ZFP2: variants seen among roughly 807,000 people sequenced by gnomAD.
ZFP2 encodes ZFP2 zinc finger protein, also known as zinc finger protein ZFP2.
In ZFP2, 33 loss-of-function variants were observed where a neutral mutation model predicts 36.1. The ratio of observed to expected loss-of-function variants is 0.92; its 90% CI spans 0.69 to 1.22. The LOEUF is 1.22. Ranked by LOEUF, ZFP2 falls within the 50% of genes most tolerant of loss-of-function variation. The probability of loss-of-function intolerance (pLI) is 0.00; values close to 1 mark genes in which losing one functional copy is unlikely to be tolerated. For missense variants in ZFP2, 522 were observed against 551.4 expected, an observed-to-expected ratio of 0.95 and a Z score of 0.53; for synonymous variants, 170 against 178.0, an observed-to-expected ratio of 0.96 and a Z score of 0.36.
At chr5:178,920,027 T>G (rs529580954) in intron 4 of ZFP2, among the ~76,000 whole-genome samples, 5 of 152,324 alleles carry the variant, frequency 3.3e-5, no homozygotes, top group Non-Finnish European at 5.9e-5. Flanking sequence ...GTTTACCCTG[T>G]TCCTATAGGT....
At chr5:178,930,177 G>GT (rs1398857774) in intron 4 of ZFP2, among the ~76,000 whole-genome samples, 1 of 151,596 alleles carries the variant, frequency 6.6e-6, no homozygotes, top group Non-Finnish European at 1.5e-5. Context: ...CTCCAACACT[G>GT]GGGATTACAT....
chr5:178,922,001 T>C lies in ZFP2; in HGVS notation c.-78+5291T>C, dbSNP rs973087380. 19 of 641,406 alleles carry C rather than the reference T, an allele frequency of 3.0e-5. 1 individual carries two copies. The highest frequency in any genetic ancestry group is 1.2e-4 in the Admixed American group (5 of 42,526). 39.7% of individuals were successfully genotyped at this position (641,406 alleles called of 1,614,324 possible). A position where few individuals can be genotyped will look rare whatever the true frequency, so the allele number is the denominator to read the frequency against. On this transcript the variant is annotated intron_variant, in intron 4 of 4. Transcript: ENST00000361362. ...CAGATTATGGGCCATTCTTATTTAC[T>C]GTAAAAACATTTAAAGCTCCTTCCG... is the stretch of plus-strand genomic sequence containing the variant.
Position 178,913,068 on chromosome 5 carries a change from C to T in ZFP2, c.-227C>T, listed in dbSNP as rs1024262388. The T allele has an allele frequency of 8.1e-6, 8 of 985,686 alleles. No individual in the cohort carries two copies. The highest frequency in any genetic ancestry group is 7.0e-5 in the African/African-American group (4 of 57,224). The allele number at this position is 985,686 out of a possible 1,614,324, so 61.1% of individuals were successfully genotyped here. Reference sequence around the variant, plus strand: ...AAAAGAACCGCCTGAGGGTGGCTTTCGAGGTAAGTGCCAGGCTGTGCAGAC... The same window carrying T: ...AAAAGAACCGCCTGAGGGTGGCTTTTGAGGTAAGTGCCAGGCTGTGCAGAC... On this transcript the variant is annotated 5_prime_UTR_variant, in exon 3 of 5. An upstream open reading frame in the 5' UTR gains an earlier in-frame stop. Coordinates refer to ENST00000361362, the MANE Select transcript of ZFP2 (RefSeq NM_030613.4).
In ZFP2 at chr5:178,932,452, A is replaced by G. The variant is rs776545962; in HGVS notation, c.1139A>G (p.Lys380Arg). 5 of 1,614,148 alleles carry G rather than the reference A, an allele frequency of 3.1e-6. No homozygotes were observed. In the South Asian group the frequency reaches 5.5e-5, roughly 18 times the overall value. Residue 380 changes from lysine to arginine, a missense_variant, in exon 5 of 5, where the codon AAA (lysine) becomes AGA (arginine). Coordinates refer to ENST00000361362, the MANE Select transcript of ZFP2 (RefSeq NM_030613.4). ...TVHQVIHTGEKPYECNECGKA... is the reference protein window; with the variant it reads ...TVHQVIHTGERPYECNECGKA... ...CATCAGGTCATTCACACTGGAGAGAAACCTTATGAGTGCAATGAATGTGGA... is the reference window on the plus strand; with the variant it reads ...CATCAGGTCATTCACACTGGAGAGAGACCTTATGAGTGCAATGAATGTGGA...
intron 1 of ZFP2, among the ~76,000 whole-genome samples, chr5:178,904,695 G>GT (rs1397891952): frequency 8.1e-6 from 1 of 122,808 alleles, no homozygotes; most frequent in African/African-American, 3.0e-5. Flanking sequence ...AATTCATTTT[G>GT]CTTTTTTTTT....
In ZFP2 at chr5:178,929,952, G is replaced by A. The variant is rs112718441; in HGVS notation, c.-77-1285G>A. Among the ~76,000 whole-genome samples, 58 of 148,606 alleles carry A rather than the reference G, an allele frequency of 3.9e-4. 2 individuals carry two copies. Among genetic ancestry groups the A allele is most frequent in the African/African-American group, 1.1e-3 (47 of 40,902 alleles). ...GCATCTGCTTGACGGTGGGGGGGGG[G>A]GCTCAGGAGGCTTACAGTCATGGCA... On this transcript the variant is annotated intron_variant, in intron 4 of 4. Transcript: ENST00000361362.
intron 4 of ZFP2, among the ~76,000 whole-genome samples, chr5:178,927,663 A>ATTTGTGTG (rs1554107344): frequency 8.6e-5 from 8 of 92,584 alleles, no homozygotes; most frequent in South Asian, 4.6e-4. Flanking sequence ...TACCTGGCCA[A>ATTTGTGTG]TGTGTGTGTG....
At chr5:178,927,448 GC>G (rs1278122719) in intron 4 of ZFP2, among the ~76,000 whole-genome samples, 1 of 151,638 alleles carries the variant, frequency 6.6e-6, no homozygotes, top group African/African-American at 2.4e-5. Flanking sequence ...TTCTCACATT[GC>G]TATAAAGAAA....
At chr5:178,923,702 C>G (rs1431414906) in intron 4 of ZFP2, among the ~76,000 whole-genome samples, 3 of 148,332 alleles carry the variant, frequency 2.0e-5, no homozygotes, top group Admixed American at 6.8e-5. Flanking sequence ...ATCCTGTGTT[C>G]CTGAGAAAAT....
intron 1 of ZFP2, among the ~76,000 whole-genome samples, chr5:178,912,089 TG>T (rs1758309126): frequency 6.6e-6 from 1 of 152,150 alleles, no homozygotes; most frequent in Non-Finnish European, 1.5e-5. Context: ...GCCGAGAACG[TG>T]CCACTGCACT....
intron 1 of ZFP2, among the ~76,000 whole-genome samples, chr5:178,900,360 C>A (rs1281562692): frequency 7.2e-6 from 1 of 139,638 alleles, no homozygotes; most frequent in African/African-American, 2.7e-5. Flanking sequence ...ACAGTGTCCT[C>A]GTGCTACTTC....
intron 4 of ZFP2, chr5:178,922,649 C>CGTG: frequency 6.3e-7 from 1 of 1,586,808 alleles, no homozygotes; most frequent in South Asian, 1.1e-5. Flanking sequence ...CCTTTGTCCA[C>CGTG]GTGGCTGGCC....
In ZFP2 at chr5:178,931,874, G is replaced by C; in HGVS notation, c.561G>C (p.Gln187His). 3 of 1,612,760 alleles carry C rather than the reference G, an allele frequency of 1.9e-6. No individual in the cohort carries two copies. The highest frequency in any genetic ancestry group is 2.5e-6 in the Non-Finnish European group (3 of 1,178,992). The stretch of plus-strand genomic sequence containing the variant: ...CTCACACCGGAGAGAAACCCTATCA[G>C]TGTAAAGAGTGTGGCAAAGCCTTCC... ...QRTHTGEKPY[Q>H]CKECGKAFHK... The change falls in exon 5 of 5, where the codon CAG becomes CAC. Residue 187 changes from glutamine (Q) to histidine (H), a missense_variant. Coordinates refer to ENST00000361362, the MANE Select transcript of ZFP2 (RefSeq NM_030613.4).
chr5:178,929,708 C>G (rs1338874270), intron 4 of ZFP2, among the ~76,000 whole-genome samples: 1 of 152,174 alleles, frequency 6.6e-6, no homozygotes, highest in African/African-American at 2.4e-5. Context: ...CTATCTTCTT[C>G]TGGGTCTTCC....
At chr5:178,916,966 AG>A (rs1758444249) in intron 4 of ZFP2, among the ~76,000 whole-genome samples, 1 of 152,204 alleles carries the variant, frequency 6.6e-6, no homozygotes, top group South Asian at 2.1e-4. Flanking sequence ...TACAGTTGAA[AG>A]CATTGTTAGA....
At position 178,932,036 on chromosome 5, in the gene ZFP2, C is replaced by T; in HGVS notation, c.723C>T (p.Pro241=). 1.2e-6 allele frequency: 2 copies of T among 1,614,034 alleles called. No individual in the cohort carries two copies. The highest frequency in any genetic ancestry group is 8.5e-7 in the Non-Finnish European group (1 of 1,180,008). Residue 241 remains proline, a synonymous_variant, in exon 5 of 5, where the codon CCC becomes CCT. Coordinates refer to ENST00000361362, the MANE Select transcript of ZFP2 (RefSeq NM_030613.4). Reference sequence around the variant, plus strand: ...AGAGAACTCATACAGGAGAAAAACCCTATGAATGTAATGAATGTGGAAAAG... The same window carrying T: ...AGAGAACTCATACAGGAGAAAAACCTTATGAATGTAATGAATGTGGAAAAG... ...VHQRTHTGEK[P]YECNECGKAF...
chr5:178,897,650 A>G (rs1335791456), intron 1 of ZFP2, among the ~76,000 whole-genome samples: 2 of 152,220 alleles, frequency 1.3e-5, no homozygotes, highest in Non-Finnish European at 2.9e-5. Context: ...TGAAATATAT[A>G]TATACACACA....
chr5:178,926,531 T>TA (rs943399039), intron 4 of ZFP2, among the ~76,000 whole-genome samples: 2 of 151,788 alleles, frequency 1.3e-5, no homozygotes, highest in Admixed American at 6.6e-5. Context: ...TTCTTTTTTT[T>TA]TTTGAGATGG....
Position 178,932,508 on chromosome 5 carries a change from G to T in ZFP2, c.1195G>T (p.Glu399Ter). 6.2e-7 allele frequency: 1 copy of T among 1,614,006 alleles called. No homozygotes were observed. The highest frequency in any genetic ancestry group is 1.1e-5 in the South Asian group (1 of 91,046). ...ATTCAGCCAGAGTGCTTACCTTATT[G>T]AACATCAAAGAATTCATACTGGTGA... is the stretch of plus-strand genomic sequence containing the variant. ...KAFSQSAYLI[E>*]HQRIHTGEKP... The change falls in exon 5 of 5, where the codon GAA becomes TAA. Residue 399 changes from glutamate (E) to a stop codon, truncating the protein, a stop_gained. Transcript: ENST00000361362. LOFTEE classifies it high-confidence loss of function.
Sources: allele counts gnomAD v4.1 joint callset (sites outside exome capture counted in the v4.1 genomes callset), GRCh38; gene constraint gnomAD v4.1.1; transcripts MANE v1.5; gene names NCBI Gene and HGNC (gene_info 2026-07-23, HGNC 2026-07-21).